Variants in SIGLEC14 observed in about 807,000 individuals in gnomAD.
SIGLEC14 encodes the protein sialic acid-binding Ig-like lectin 14.
In SIGLEC14, 11 loss-of-function variants were observed where a neutral mutation model predicts 34.2. That is an observed-to-expected ratio of 0.32 (90% CI 0.20 to 0.53). SIGLEC14 has a LOEUF of 0.53. SIGLEC14 is among the 20% of genes least tolerant of loss of function. The pLI is 0.95. For missense variants in SIGLEC14, 264 were observed against 439.0 expected (o/e 0.60, Z 3.56); for synonymous variants, 99 against 179.7 (o/e 0.55, Z 3.59).
chr19:51,642,946 C>A lies in SIGLEC14; in HGVS notation c.*409G>T. 1.3e-5 allele frequency: 2 copies of A among 156,828 alleles called. No homozygotes were observed. Among genetic ancestry groups the A allele is most frequent in the South Asian group, 1.8e-4 (2 of 11,126 alleles). 9.7% of individuals were successfully genotyped at this position (156,828 alleles called of 1,614,324 possible). ...GGCTGAGGCAGGAGAATTGCTTGAA[C>A]CCCAGAGGTGGAGGTTGCAGTGAAC... On this transcript the variant is annotated 3_prime_UTR_variant, in exon 7 of 7. Coordinates refer to ENST00000360844, the MANE Select transcript of SIGLEC14 (RefSeq NM_001098612.3).
rs372232309 is a variant in SIGLEC14, at chr19:51,645,740, C to A, written c.700+42G>T. The A allele has an allele frequency of 2.4e-5, 36 of 1,486,958 alleles. 4 individuals are homozygous for A. Among genetic ancestry groups the A allele is most frequent in the Non-Finnish European group, 3.0e-5 (33 of 1,118,074 alleles). 92.1% of individuals were successfully genotyped at this position (1,486,958 alleles called of 1,614,324 possible). ...CACACACACACACCCCCCTCACTCC[C>A]ACTGCCCTTGGGGACTCAGCTGTGT... On this transcript the variant is annotated intron_variant, in intron 3 of 6. Coordinates refer to ENST00000360844, the MANE Select transcript of SIGLEC14 (RefSeq NM_001098612.3).
At chr19:51,643,725 C>T in intron 5 of SIGLEC14, 53 bp from the exon 6 acceptor site, 2 of 1,518,840 alleles carry the variant, frequency 1.3e-6, no homozygotes, top group Non-Finnish European at 1.8e-6. Context: ...TCCCTCCCAC[C>T]AACCTGAATA....
At position 51,643,588 on chromosome 19, in the gene SIGLEC14, A is replaced by G. The variant is rs1983958188; in HGVS notation, c.1097T>C (p.Met366Thr). 2 of 1,528,664 alleles carry G rather than the reference A, an allele frequency of 1.3e-6. 1 individual carries two copies. The highest frequency in any genetic ancestry group is 1.8e-6 in the Non-Finnish European group (2 of 1,139,960). The allele number at this position is 1,528,664 out of a possible 1,614,324, so 94.7% of individuals were successfully genotyped here. The change falls in exon 6 of 7, where the codon ATG (methionine) becomes ACG (threonine). Residue 366 changes from methionine (M) to threonine (T), a missense_variant. Coordinates refer to ENST00000360844, the MANE Select transcript of SIGLEC14 (RefSeq NM_001098612.3). The part of the protein sequence containing the change: ...LVLTLIRGAL[M>T]GAGFLLTYGL... ...ATAGGTGAGGAGGAAGCCAGCCCCC[A>G]TGAGAGCCCCCCTGATCAGGGTGAG...
At chr19:51,643,483 G>GGGGGGGGGGGGCCCCCCCCCCCCC in intron 6 of SIGLEC14, 54 bp downstream of exon 6, 6 of 1,297,874 alleles carry the variant, frequency 4.6e-6, no homozygotes, top group Admixed American at 2.4e-5. Context: ...GGGCAGGACA[G>GGGGGGGGGGGGCCCCCCCCCCCCC]CTCAGCCCCA....
In SIGLEC14 at chr19:51,643,920, T is replaced by C; in HGVS notation, c.871A>G (p.Lys291Glu). Residue 291 changes from lysine to glutamate, a missense_variant, in exon 5 of 7, where the codon AAA becomes GAA. Transcript: ENST00000360844. ...GAGGTCTGGGAAGGATTGAGGGCTTTTCCCTCCCGGAACCAGCTCAGTGAG... is the reference window on the plus strand; with the variant it reads ...GAGGTCTGGGAAGGATTGAGGGCTTCTCCCTCCCGGAACCAGCTCAGTGAG... ...PASLSWFREG[K>E]ALNPSQTSMS... 2.0e-6 allele frequency: 3 copies of C among 1,534,076 alleles called. 1 individual carries two copies. Among genetic ancestry groups the C allele is most frequent in the Non-Finnish European group, 2.6e-6 (3 of 1,141,736 alleles).
Position 51,643,669 on chromosome 19 carries a change from C to T in SIGLEC14, c.1016G>A (p.Ser339Asn). 1 of 1,531,828 alleles carries T rather than the reference C, an allele frequency of 6.5e-7. No homozygotes were observed. Among genetic ancestry groups the T allele is most frequent in the Non-Finnish European group, 8.8e-7 (1 of 1,140,968 alleles). The allele number at this position is 1,531,828 out of a possible 1,614,324, so 94.9% of individuals were successfully genotyped here. A position where few individuals can be genotyped will look rare whatever the true frequency, so the allele number is the denominator to read the frequency against. ...HLSFILSVQRSSSSCICVTEK... is the reference protein window; with the variant it reads ...HLSFILSVQRNSSSCICVTEK... ...AGTTACACATATGCAGGAAGAGGAGCTTCCTGGGAGAAAGGAGAAGGTAAG... is the reference window on the plus strand; with the variant it reads ...AGTTACACATATGCAGGAAGAGGAGTTTCCTGGGAGAAAGGAGAAGGTAAG... The change falls in exon 6 of 7, where the codon AGC becomes AAC. Residue 339 changes from serine (S) to asparagine (N), a missense_variant. Physicochemically the swap from Ser to Asn is conservative, Grantham distance 46 (BLOSUM62 1). Transcript: ENST00000360844.
chr19:51,640,078 AT>A lies in SIGLEC14; in HGVS notation c.*3276del, dbSNP rs541667761. 1.1e-3 allele frequency: 152 copies of A among 139,718 alleles called. 27 individuals are homozygous for A. Among genetic ancestry groups the A allele is most frequent in the African/African-American group, 4.0e-3 (148 of 36,892 alleles). The allele number at this position is 139,718 out of a possible 1,614,324, so 8.7% of individuals were successfully genotyped here. A position where few individuals can be genotyped will look rare whatever the true frequency, so the allele number is the denominator to read the frequency against. ...GTTAAAAGAAAAATGCAAAGCTAGAATTCTACATTTTGGAAAATTATCCTTC... is the reference window on the plus strand; with the variant it reads ...GTTAAAAGAAAAATGCAAAGCTAGAATCTACATTTTGGAAAATTATCCTTC... On this transcript the variant is annotated 3_prime_UTR_variant, in exon 7 of 7. Coordinates refer to ENST00000360844, the MANE Select transcript of SIGLEC14 (RefSeq NM_001098612.3).
At position 51,645,708 on chromosome 19, in the gene SIGLEC14, A is replaced by G. The variant is rs1355436736; in HGVS notation, c.700+74T>C. 1.5e-5 allele frequency: 19 copies of G among 1,295,756 alleles called. 3 individuals carry two copies. Among genetic ancestry groups the G allele is most frequent in the African/African-American group, 5.4e-5 (3 of 55,602 alleles). The allele number at this position is 1,295,756 out of a possible 1,614,324, so 80.3% of individuals were successfully genotyped here. A position where few individuals can be genotyped will look rare whatever the true frequency, so the allele number is the denominator to read the frequency against. On this transcript the variant is annotated intron_variant, in intron 3 of 6. Transcript: ENST00000360844. ...TTCTCTCTCTCTCTTCTACACACAC[A>G]CACACACACACACACACACCCCCCT...
In SIGLEC14 at chr19:51,643,933, C is replaced by A. The variant is rs201786850; in HGVS notation, c.858G>T (p.Trp286Cys). 2.4e-4 allele frequency: 370 copies of A among 1,534,104 alleles called. 59 individuals carry two copies. The highest frequency in any genetic ancestry group is 3.1e-4 in the Non-Finnish European group (356 of 1,141,782). The change falls in exon 5 of 7, where the codon TGG (tryptophan) becomes TGT (cysteine). Residue 286 changes from tryptophan (W) to cysteine (C), a missense_variant. Physicochemically the swap from Trp to Cys is radical, Grantham distance 215. This residue lies in a region of SIGLEC14 where 149 missense variants were observed against 184.4 expected (regional missense o/e 0.81). Coordinates refer to ENST00000360844, the MANE Select transcript of SIGLEC14 (RefSeq NM_001098612.3). Reference sequence around the variant, plus strand: ...GATTGAGGGCTTTTCCCTCCCGGAACCAGCTCAGTGAGGCAGGGGGGTTGC... The same window carrying A: ...GATTGAGGGCTTTTCCCTCCCGGAAACAGCTCAGTGAGGCAGGGGGGTTGC... ...VDSNPPASLS[W>C]FREGKALNPS...
At chr19:51,643,476 CAGG>C in intron 6 of SIGLEC14, 58 bp downstream of exon 6, 2 of 1,243,384 alleles carry the variant, frequency 1.6e-6, no homozygotes, top group Non-Finnish European at 2.1e-6. Flanking sequence ...TGTCCTGGGG[CAGG>C]ACAGCTCAGC....
rs1204790656 is a variant in SIGLEC14 at position 51,645,859 on chromosome 19, C to T, written c.623G>A (p.Gly208Asp). 1.9e-5 allele frequency: 29 copies of T among 1,528,360 alleles called. 5 individuals carry two copies. The highest frequency in any genetic ancestry group is 2.4e-5 in the South Asian group (2 of 82,936). 94.7% of individuals were successfully genotyped at this position (1,528,360 alleles called of 1,614,324 possible). The change falls in exon 3 of 7, where the codon GGC becomes GAC. Residue 208 changes from glycine to aspartate, a missense_variant. Gly to Asp is a moderately conservative substitution (Grantham distance 94, BLOSUM62 -1). Around this residue, in one of 5 missense-constraint regions of SIGLEC14, gnomAD observed 45 missense variants for 96.7 expected, o/e 0.47. Coordinates refer to ENST00000360844, the MANE Select transcript of SIGLEC14 (RefSeq NM_001098612.3). ...TTTCACCTGACAGGTGAGGTTGGTG[C>T]CATGGTCCTCGGGCCTGGGGGTGAG... ...LTLTPRPEDH[G>D]TNLTCQVKRQ...
rs1983906255 is a variant in SIGLEC14 at position 51,641,546 on chromosome 19, GC to G, written c.*1808del. On this transcript the variant is annotated 3_prime_UTR_variant, in exon 7 of 7. Coordinates refer to ENST00000360844, the MANE Select transcript of SIGLEC14 (RefSeq NM_001098612.3). ...GCAATGACATGGAATCAACCTAACT[GC>G]CTATCAGTGGTAGACTGGATAGAGA... is the stretch of plus-strand genomic sequence containing the variant. 1.4e-5 allele frequency among the ~76,000 whole-genome samples: 2 copies of G among 139,578 alleles called. 1 individual carries two copies. The highest frequency in any genetic ancestry group is 4.9e-4 in the South Asian group (2 of 4,118). 91.6% of individuals were successfully genotyped at this position (139,578 alleles called of 152,430 possible).
rs747090580 is a variant in SIGLEC14, at chr19:51,646,257, C to T, written c.421G>A (p.Ala141Thr). The stretch of plus-strand genomic sequence containing the variant: ...TCCTCTCCTAGGGTTCCTGCCATAC[C>T]TGTCACCTCCAAGTTCAGCTTATTC... ...QQNKLNLEVT[A>T]LIEKPDIHFL... The change falls in exon 2 of 7, where the codon GCC (alanine) becomes ACC (threonine). Residue 141 changes from alanine (A) to threonine (T), a missense_variant and splice_region_variant. Around this residue, in one of 5 missense-constraint regions of SIGLEC14, gnomAD observed 9 missense variants for 60.9 expected, o/e 0.15. Transcript: ENST00000360844. 9.7e-5 allele frequency: 137 copies of T among 1,418,512 alleles called. 40 individuals carry two copies. The highest frequency in any genetic ancestry group is 1.2e-4 in the Non-Finnish European group (129 of 1,069,070). The allele number at this position is 1,418,512 out of a possible 1,614,324, so 87.9% of individuals were successfully genotyped here.
In SIGLEC14 at chr19:51,640,089, T is replaced by C. The variant is rs764339284; in HGVS notation, c.*3266A>G. The stretch of plus-strand genomic sequence containing the variant: ...AATGCAAAGCTAGAATTCTACATTT[T>C]GGAAAATTATCCTTCAAAACGAAAG... On this transcript the variant is annotated 3_prime_UTR_variant, in exon 7 of 7. Transcript: ENST00000360844. Among the ~76,000 whole-genome samples the C allele has an allele frequency of 2.2e-5, 3 of 139,400 alleles. No individual in the cohort carries two copies. The highest frequency in any genetic ancestry group is 3.1e-5 in the Non-Finnish European group (2 of 65,050). The allele number at this position is 139,400 out of a possible 152,430, so 91.5% of individuals were successfully genotyped here.
Position 51,644,296 on chromosome 19 carries a change from C to G in SIGLEC14, c.755-260G>C, listed in dbSNP as rs1983982496. ...AGCTCAGGTGCAGACGTGCCAAGAA[C>G]TGAGACAGGCAGACGAGGAAAGAGG... is the stretch of plus-strand genomic sequence containing the variant. On this transcript the variant is annotated intron_variant, in intron 4 of 6. Coordinates refer to ENST00000360844, the MANE Select transcript of SIGLEC14 (RefSeq NM_001098612.3). 1.5e-5 allele frequency among the ~76,000 whole-genome samples: 2 copies of G among 137,402 alleles called. 1 individual carries two copies. The highest frequency in any genetic ancestry group is 3.1e-5 in the Non-Finnish European group (2 of 64,568). The allele number at this position is 137,402 out of a possible 152,430, so 90.1% of individuals were successfully genotyped here. A position where few individuals can be genotyped will look rare whatever the true frequency, so the allele number is the denominator to read the frequency against.
intron 6 of SIGLEC14, 54 bp downstream of exon 6, chr19:51,643,483 G>GGGGGGGGGGGGCCCCCCCCCCCCCC: frequency 1.5e-6 from 2 of 1,297,884 alleles, no homozygotes; most frequent in East Asian, 5.4e-5. Context: ...GGGCAGGACA[G>GGGGGGGGGGGGCCCCCCCCCCCCCC]CTCAGCCCCA....
Position 51,639,741 on chromosome 19 carries a change from G to T in SIGLEC14, c.*3614C>A. On this transcript the variant is annotated 3_prime_UTR_variant, in exon 7 of 7. Transcript: ENST00000360844. ...CAACCTTTTAATACCATCACCTTGA[G>T]GTTTAAGATTTCAACATATAAATTT... 1 of 138,804 alleles carries T rather than the reference G, an allele frequency of 7.2e-6. No homozygotes were observed. Among genetic ancestry groups the T allele is most frequent in the Non-Finnish European group, 1.5e-5 (1 of 64,942 alleles). 8.6% of individuals were successfully genotyped at this position (138,804 alleles called of 1,614,324 possible). A position where few individuals can be genotyped will look rare whatever the true frequency, so the allele number is the denominator to read the frequency against.
At position 51,644,279 on chromosome 19, in the gene SIGLEC14, T is replaced by G. The variant is rs1600110725; in HGVS notation, c.755-243A>C. 1.5e-5 allele frequency among the ~76,000 whole-genome samples: 2 copies of G among 136,990 alleles called. 1 individual carries two copies. The highest frequency in any genetic ancestry group is 4.9e-4 in the South Asian group (2 of 4,056). The allele number at this position is 136,990 out of a possible 152,430, so 89.9% of individuals were successfully genotyped here. A position where few individuals can be genotyped will look rare whatever the true frequency, so the allele number is the denominator to read the frequency against. ...AGGAGAAGTGGATGGGCAGCTCAGG[T>G]GCAGACGTGCCAAGAACTGAGACAG... On this transcript the variant is annotated intron_variant, in intron 4 of 6. Coordinates refer to ENST00000360844, the MANE Select transcript of SIGLEC14 (RefSeq NM_001098612.3).
rs769896584 is a variant in SIGLEC14 at position 51,643,677 on chromosome 19, G to A, written c.1013-5C>T. The stretch of plus-strand genomic sequence containing the variant: ...ATATGCAGGAAGAGGAGCTTCCTGG[G>A]AGAAAGGAGAAGGTAAGGTGCTGTT... On this transcript the variant is annotated splice_polypyrimidine_tract_variant and splice_region_variant and intron_variant, in intron 5 of 6. Transcript: ENST00000360844. 1.3e-6 allele frequency: 2 copies of A among 1,531,634 alleles called. No homozygotes were observed. The highest frequency in any genetic ancestry group is 1.2e-5 in the South Asian group (1 of 83,200). The allele number at this position is 1,531,634 out of a possible 1,614,324, so 94.9% of individuals were successfully genotyped here. A position where few individuals can be genotyped will look rare whatever the true frequency, so the allele number is the denominator to read the frequency against.
Sources: gnomAD v4.1 joint callset for allele counts (sites outside exome capture counted in the v4.1 genomes callset) on GRCh38, gnomAD v4.1.1 for gene constraint, gnomAD v4.1.1 regional missense constraint, MANE v1.5 for transcripts, NCBI Gene and HGNC (gene_info 2026-07-23, HGNC 2026-07-21) for gene names.